The following TCF20 variants were observed in gnomAD, a reference collection of about 807,000 sequenced individuals.
TCF20 encodes the protein SPRE-binding protein.
In TCF20, 3 loss-of-function variants were observed where a neutral mutation model predicts 148.6. The ratio of observed to expected loss-of-function variants is 0.02; its 90% CI spans 0.01 to 0.05. TCF20 has a LOEUF of 0.05. TCF20 is among the 10% of genes least tolerant of loss of function. The probability of loss-of-function intolerance (pLI) is 1.00; values close to 1 mark genes in which losing one functional copy is unlikely to be tolerated. For missense variants in TCF20, 2,350 were observed against 2,429.3 expected (o/e 0.97, Z 0.69); for synonymous variants, 1,049 against 909.5 (o/e 1.15, Z -2.76).
chr22:42,296,398 G>A (rs745453965), intron 1 of TCF20, among the ~76,000 whole-genome samples: 7 of 152,212 alleles, frequency 4.6e-5, no homozygotes, highest in Non-Finnish European at 8.8e-5. Context: ...CTGCAACGGC[G>A]CCAACTTGGG....
intron 1 of TCF20, among the ~76,000 whole-genome samples, chr22:42,269,601 C>T (rs1294472224): frequency 6.6e-5 from 10 of 152,242 alleles, no homozygotes; most frequent in Admixed American, 6.5e-4. Flanking sequence ...GGGACGAAAG[C>T]CTCAGGTCCC....
chr22:42,196,903 A>AT, intron 2 of TCF20, among the ~76,000 whole-genome samples: 1 of 152,320 alleles, frequency 6.6e-6, no homozygotes, highest in Non-Finnish European at 1.5e-5. Context: ...TGACCCTGGT[A>AT]TTGTCTATCT....
At chr22:42,222,431 G>GA (rs924996292) in intron 1 of TCF20, among the ~76,000 whole-genome samples, 1 of 152,032 alleles carries the variant, frequency 6.6e-6, no homozygotes, top group African/African-American at 2.4e-5. Flanking sequence ...AATAACACCT[G>GA]AAAAGTTCTC....
chr22:42,317,649 TG>T lies in TCF20; in HGVS notation c.-37+25829del, dbSNP rs986863300. The stretch of plus-strand genomic sequence containing the variant: ...CTGCTCCTGCATTCCCGCTGGGGGC[TG>T]GGGGGGAAAGGGGTGTAGACTCAGC... On this transcript the variant is annotated intron_variant, in intron 1 of 1. Transcript: ENST00000515426. This position sits in a 1 kb window ranked among gnomAD's most constrained non-coding sequence, Gnocchi z 4.2. Among the ~76,000 whole-genome samples, 8 of 151,472 alleles carry T rather than the reference TG, an allele frequency of 5.3e-5. No individual in the cohort carries two copies. In the South Asian group the frequency reaches 1.1e-3, roughly 20 times the overall value.
chr22:42,196,959 C>T (rs186467498), intron 2 of TCF20, among the ~76,000 whole-genome samples: 1 of 152,254 alleles, frequency 6.6e-6, no homozygotes, highest in Non-Finnish European at 1.5e-5. Flanking sequence ...GGCACGTTAA[C>T]TGACAGCAGT....
At chr22:42,339,012 G>A (rs1165181602) in intron 1 of TCF20, among the ~76,000 whole-genome samples, 8 of 152,058 alleles carry the variant, frequency 5.3e-5, no homozygotes, top group Non-Finnish European at 1.0e-4. Flanking sequence ...GCCCTCCCAC[G>A]AGCAGCCCCT....
intron 1 of TCF20, among the ~76,000 whole-genome samples, chr22:42,335,379 G>A (rs59087868): frequency 0.075 from 11,468 of 152,098 alleles, 964 homozygotes; most frequent in African/African-American, 0.2. Flanking sequence ...CACCAGCCAC[G>A]TTTTCACCTG....
At chr22:42,193,276 C>T (rs905994364) in intron 2 of TCF20, among the ~76,000 whole-genome samples, 1 of 151,598 alleles carries the variant, frequency 6.6e-6, no homozygotes, top group Middle Eastern at 3.4e-3. Flanking sequence ...ATCTCCTCCT[C>T]CTCCACCTAC....
intron 1 of TCF20, among the ~76,000 whole-genome samples, chr22:42,231,851 C>A (rs1018499552): frequency 1.3e-5 from 2 of 148,692 alleles, no homozygotes; most frequent in African/African-American, 5.0e-5. Context: ...ATGACGTGAA[C>A]CCGGGAGGCG....
chr22:42,168,224 A>C (rs372192875), intron 5 of TCF20, among the ~76,000 whole-genome samples: 4 of 152,310 alleles, frequency 2.6e-5, no homozygotes, highest in South Asian at 2.1e-4. Context: ...AGTAAATTAA[A>C]AAGAAGAGAC....
chr22:42,251,520 T>TTTTTTTTTTTG (rs1555947166), intron 1 of TCF20, among the ~76,000 whole-genome samples: 5 of 115,716 alleles, frequency 4.3e-5, no homozygotes, highest in African/African-American at 1.7e-4. Flanking sequence ...TTTTTTTTTT[T>TTTTTTTTTTTG]GAGACAGAAT....
intron 3 of TCF20, among the ~76,000 whole-genome samples, chr22:42,177,016 ATGT>A (rs1186334927): frequency 6.6e-6 from 1 of 152,172 alleles, no homozygotes; most frequent in Non-Finnish European, 1.5e-5. Context: ...CAACACAGAC[ATGT>A]TGTTTGAGAC....
chr22:42,283,365 C>A (rs1266963906), intron 1 of TCF20, among the ~76,000 whole-genome samples: 1 of 151,692 alleles, frequency 6.6e-6, no homozygotes, highest in African/African-American at 2.4e-5. Flanking sequence ...TGGCTGCGCA[C>A]GGCGGCTGGA....
At chr22:42,191,481 G>T (rs1379363409) in intron 2 of TCF20, among the ~76,000 whole-genome samples, 1 of 152,018 alleles carries the variant, frequency 6.6e-6, no homozygotes, top group Non-Finnish European at 1.5e-5. Context: ...TAGAGACGGG[G>T]TTTCACCATA....
intron 5 of TCF20, among the ~76,000 whole-genome samples, chr22:42,163,068 C>T (rs1480623257): frequency 6.6e-6 from 1 of 152,194 alleles, no homozygotes; most frequent in Non-Finnish European, 1.5e-5. Context: ...CCAATGCCCA[C>T]ACGTACCCTG....
rs1924885853 is a variant in TCF20, at chr22:42,246,152, C to A, written c.-37+24187G>T. On this transcript the variant is annotated intron_variant, in intron 1 of 5. Transcript: ENST00000677622. ...ATGGAGTCTCACTCTGTCACCCAGG[C>A]TGGAGTGCACTGGTGTGATCTTGGC... 3.3e-5 allele frequency among the ~76,000 whole-genome samples: 5 copies of A among 152,238 alleles called. 1 individual carries two copies. The South Asian group carries it at 1.0e-3, about 32-fold the overall frequency.
rs750743110 is a variant in TCF20 at position 42,211,458 on chromosome 22, C to T, written c.3848G>A (p.Arg1283His). The change falls in exon 2 of 6, where the codon CGC becomes CAC. Residue 1283 changes from arginine to histidine, a missense_variant. This residue lies in a region of TCF20 where 1,641 missense variants were observed against 1,662.6 expected (regional missense o/e 0.99). Transcript: ENST00000677622. ...GCCTTCTTTTGATGAGTGAAGGAGG[C>T]GACCTTTATCTTCAGTGCTACTGTT... ...VKNSSTEDKG[R>H]LLHSSKEGAD... 35 of 1,614,020 alleles carry T rather than the reference C, an allele frequency of 2.2e-5. No homozygotes were observed. Among genetic ancestry groups the T allele is most frequent in the Middle Eastern group, 1.6e-4 (1 of 6,084 alleles).
chr22:42,182,226 C>T (rs759598409), intron 2 of TCF20, among the ~76,000 whole-genome samples: 4 of 152,210 alleles, frequency 2.6e-5, no homozygotes, highest in Non-Finnish European at 5.9e-5. Flanking sequence ...CACTTTCTAG[C>T]TCTGCCTTCT....
intron 1 of TCF20, among the ~76,000 whole-genome samples, chr22:42,220,065 T>TC (rs1922212421): frequency 6.6e-6 from 1 of 152,144 alleles, no homozygotes; most frequent in Non-Finnish European, 1.5e-5. Flanking sequence ...AGACTTGTTC[T>TC]CCCCATCCTA....
Sources: allele counts gnomAD v4.1 joint callset (sites outside exome capture counted in the v4.1 genomes callset), GRCh38; gene constraint gnomAD v4.1.1; regional missense constraint gnomAD v4.1.1; non-coding constraint Gnocchi (gnomAD v3.1); transcripts MANE v1.5; gene names NCBI Gene and HGNC (gene_info 2026-07-23, HGNC 2026-07-21).